Variants in SLC5A2 observed in about 807,000 individuals in gnomAD.
The protein encoded by SLC5A2 is solute carrier family 5 member 2.
A neutral mutation model predicts 69.0 loss-of-function variants in SLC5A2; 67 were observed. That is an observed-to-expected ratio of 0.97 (90% CI 0.80 to 1.19). SLC5A2 has a LOEUF of 1.19. SLC5A2 is among the 50% of genes most tolerant of loss of function. SLC5A2 has a pLI of 0.00. For missense variants in SLC5A2, 1,001 were observed against 921.5 expected, an observed-to-expected ratio of 1.09 and a Z score of -1.12; for synonymous variants, 455 against 395.8, an observed-to-expected ratio of 1.15 and a Z score of -1.78.
chr16:31,487,667 C>G lies in SLC5A2; in HGVS notation c.793C>G (p.Leu265Val), dbSNP rs755722622. ...TCGACCCCGGCCCGACTCCTACCACCTGCTCCGGCACCCCGTGACCGGGGA... is the reference window on the plus strand; with the variant it reads ...TCGACCCCGGCCCGACTCCTACCACGTGCTCCGGCACCCCGTGACCGGGGA... ...CYRPRPDSYH[L>V]LRHPVTGDLP... The change falls in exon 7 of 14, where the codon CTG (leucine) becomes GTG (valine). Residue 265 changes from leucine to valine, a missense_variant. By Grantham distance (32) the Leu-to-Val change is conservative (BLOSUM62 1). Transcript: ENST00000330498. 2.5e-6 allele frequency: 4 copies of G among 1,613,664 alleles called. No homozygotes were observed. The African/African-American group carries it at 5.3e-5, about 22-fold the overall frequency.
intron 12 of SLC5A2, 188 bp downstream of exon 12, chr16:31,489,526 G>A (rs2082540484): frequency 1.6e-6 from 1 of 638,826 alleles, no homozygotes; most frequent in South Asian, 1.8e-5. Context: ...CGGCCTGGGG[G>A]AGGCTTGATG....
In SLC5A2 at chr16:31,488,378, G is replaced by A. The variant is rs1161062139; in HGVS notation, c.1022-5G>A. On this transcript the variant is annotated splice_region_variant and splice_polypyrimidine_tract_variant and intron_variant, in intron 8 of 13. Transcript: ENST00000330498. The stretch of plus-strand genomic sequence containing the variant: ...CCTAACGGCGCGGTGGCCTCTCTCT[G>A]GCAGACGAGGTGGCGTGCGTGGTGC... The A allele has an allele frequency of 1.2e-6, 2 of 1,610,862 alleles. No homozygotes were observed. Among genetic ancestry groups the A allele is most frequent in the African/African-American group, 1.3e-5 (1 of 74,940 alleles).
Position 31,487,779 on chromosome 16 carries a change from C to G in SLC5A2, c.885+20C>G, listed in dbSNP as rs950732872. The G allele has an allele frequency of 1.1e-5, 17 of 1,594,204 alleles. No individual in the cohort carries two copies. Among genetic ancestry groups the G allele is most frequent in the Non-Finnish European group, 1.5e-5 (17 of 1,171,410 alleles). On this transcript the variant is annotated intron_variant, in intron 7 of 13. Coordinates refer to ENST00000330498, the MANE Select transcript of SLC5A2 (RefSeq NM_003041.4). ...GACCAGGTGCGGGTATAGGGCTGCG[C>G]CTGCAGTGAGGCCGGGGCGGAGCCG...
chr16:31,490,671 C>A lies in SLC5A2; in HGVS notation c.*136C>A. 9.3e-7 allele frequency: 1 copy of A among 1,069,664 alleles called. No homozygotes were observed. The highest frequency in any genetic ancestry group is 1.4e-6 in the Non-Finnish European group (1 of 710,974). 66.3% of individuals were successfully genotyped at this position (1,069,664 alleles called of 1,614,324 possible). ...TCCCCTTCTCCCGGCCTTCCTCTGC[C>A]TGGGGCCCACTGCATCTGATTGGCA... On this transcript the variant is annotated 3_prime_UTR_variant, in exon 14 of 14. Transcript: ENST00000330498.
At chr16:31,487,280 A>T in intron 5 of SLC5A2, 40 bp from the exon 6 acceptor site, 1 of 1,601,544 alleles carries the variant, frequency 6.2e-7, no homozygotes, top group Non-Finnish European at 8.6e-7. Context: ...AGCCTGTAAC[A>T]TAAACAGCTG....
At chr16:31,484,983 C>T (rs934919922) in intron 3 of SLC5A2, 60 bp downstream of exon 3, 2 of 1,451,892 alleles carry the variant, frequency 1.4e-6, no homozygotes, top group Non-Finnish European at 1.9e-6. Flanking sequence ...AAGGGTCACA[C>T]CTTGGGGAAA....
At chr16:31,488,288 G>T (rs935745768) in intron 8 of SLC5A2, 95 bp from the exon 9 acceptor site, 23 of 1,598,526 alleles carry the variant, frequency 1.4e-5, no homozygotes, top group Non-Finnish European at 1.8e-5. Flanking sequence ...CCCTCCGGGG[G>T]TCGCACGCCT....
rs1275211441 is a variant in SLC5A2, at chr16:31,488,470, T to C, written c.1109T>C (p.Val370Ala). ...GCSNIAYPRL[V>A]VKLMPNGLRG... Reference sequence around the variant, plus strand: ...TCCAACATCGCCTACCCGCGGCTCGTCGTGAAGCTCATGCCCAACGGTAAG... The same window carrying C: ...TCCAACATCGCCTACCCGCGGCTCGCCGTGAAGCTCATGCCCAACGGTAAG... The change falls in exon 9 of 14, where the codon GTC becomes GCC. Residue 370 changes from valine (V) to alanine (A), a missense_variant. Val to Ala is a moderately conservative substitution (Grantham distance 64). Coordinates refer to ENST00000330498, the MANE Select transcript of SLC5A2 (RefSeq NM_003041.4). 1.9e-6 allele frequency: 3 copies of C among 1,609,508 alleles called. No individual in the cohort carries two copies. The highest frequency in any genetic ancestry group is 2.5e-6 in the Non-Finnish European group (3 of 1,179,092).
chr16:31,489,828 C>T (rs2082544742), intron 12 of SLC5A2: 1 of 484,476 alleles, frequency 2.1e-6, no homozygotes. Flanking sequence ...AGGCCAGTGT[C>T]ACAAGCGCTA....
intron 12 of SLC5A2, chr16:31,489,683 A>C (rs1596622150): frequency 2.1e-6 from 1 of 470,954 alleles, no homozygotes; most frequent in East Asian, 4.3e-5. Context: ...AGGTGGCTCC[A>C]GGCAGGGCTG....
At chr16:31,489,505 T>C in intron 12 of SLC5A2, 167 bp downstream of exon 12, 1 of 680,936 alleles carries the variant, frequency 1.5e-6, no homozygotes, top group Non-Finnish European at 2.6e-6. Context: ...TTTAAATACA[T>C]TTATTTGAAC....
At chr16:31,483,529 C>T (rs1236089913) in intron 1 of SLC5A2, among the ~76,000 whole-genome samples, 2 of 152,134 alleles carry the variant, frequency 1.3e-5, no homozygotes, top group Non-Finnish European at 2.9e-5. Flanking sequence ...CCCCTGGCCA[C>T]ATTGTGGCTG....
intron 1 of SLC5A2, 80 bp downstream of exon 1, chr16:31,483,342 G>A: frequency 6.4e-7 from 1 of 1,559,626 alleles, no homozygotes; most frequent in Non-Finnish European, 8.8e-7. Context: ...ACCCTAGGTG[G>A]GAGAATGATG....
At chr16:31,485,636 G>C in intron 3 of SLC5A2, 93 bp from the exon 4 acceptor site, 2 of 1,536,082 alleles carry the variant, frequency 1.3e-6, no homozygotes, top group Non-Finnish European at 1.8e-6. Context: ...GCCCTTCCCA[G>C]GGCCACTTGC....
In SLC5A2 at chr16:31,487,554, C is replaced by T. The variant is rs772506647; in HGVS notation, c.680C>T (p.Ser227Leu). 2 of 1,613,876 alleles carry T rather than the reference C, an allele frequency of 1.2e-6. No homozygotes were observed. Among genetic ancestry groups the T allele is most frequent in the South Asian group, 2.2e-5 (2 of 91,084 alleles). Residue 227 changes from serine to leucine, a missense_variant, in exon 7 of 14, where the codon TCG becomes TTG. By Grantham distance (145) the Ser-to-Leu change is moderately radical. Transcript: ENST00000330498. ...GYAFHEVGGY[S>L]GLFDKYLGAA... ...GCCTTCCACGAGGTGGGCGGGTATTCGGGTCTCTTCGACAAATACCTGGGA... is the reference window on the plus strand; with the variant it reads ...GCCTTCCACGAGGTGGGCGGGTATTTGGGTCTCTTCGACAAATACCTGGGA...
At position 31,487,332 on chromosome 16, in the gene SLC5A2, CGCTG is replaced by C; in HGVS notation, c.588_591del (p.Leu197CysfsTer43). ...CGGCCTGTTGCAGGAGGGCTGGCCG[CGCTG>C]ATGTACACGGACACGGTACAGACCT... is the stretch of plus-strand genomic sequence containing the variant. On this transcript the variant is annotated frameshift_variant, in exon 6 of 14. Transcript: ENST00000330498. LOFTEE classifies it high-confidence loss of function. 2.5e-6 allele frequency: 4 copies of C among 1,613,882 alleles called. No homozygotes were observed. Among genetic ancestry groups the C allele is most frequent in the Non-Finnish European group, 3.4e-6 (4 of 1,180,036 alleles).
intron 8 of SLC5A2, 39 bp from the exon 9 acceptor site, chr16:31,488,344 A>G (rs1401152489): frequency 2.5e-6 from 4 of 1,606,648 alleles, no homozygotes; most frequent in Non-Finnish European, 3.4e-6. Flanking sequence ...TTCCCAGACC[A>G]GGCCCCGTCC....
chr16:31,489,425 T>C, intron 12 of SLC5A2, 87 bp downstream of exon 12: 1 of 1,228,754 alleles, frequency 8.1e-7, no homozygotes, highest in Middle Eastern at 1.9e-4. Context: ...AGGACCTGAA[T>C]TTCTCGACTG....
At position 31,489,059 on chromosome 16, in the gene SLC5A2, C is replaced by T; in HGVS notation, c.1449+11C>T. The T allele has an allele frequency of 2.5e-6, 4 of 1,601,656 alleles. No homozygotes were observed. The highest frequency in any genetic ancestry group is 2.5e-6 in the Non-Finnish European group (3 of 1,179,892). ...CGCGTTAATGAGCAGGTGAGCGGCA[C>T]GCGCGTGGTGACGGCAGGGCTGGGC... On this transcript the variant is annotated intron_variant, in intron 11 of 13. Coordinates refer to ENST00000330498, the MANE Select transcript of SLC5A2 (RefSeq NM_003041.4).
Sources: gnomAD v4.1 joint callset for allele counts (sites outside exome capture counted in the v4.1 genomes callset) on GRCh38, gnomAD v4.1.1 for gene constraint, MANE v1.5 for transcripts, NCBI Gene and HGNC (gene_info 2026-07-23, HGNC 2026-07-21) for gene names.